Variants in TBL1XR1 observed in about 807,000 individuals in gnomAD.
TBL1XR1 encodes TBL1X/Y related 1, also known as F-box-like/WD repeat-containing protein TBL1XR1.
Under a neutral mutation model 66.9 loss-of-function variants are expected in TBL1XR1, and 5 were observed. The observed-to-expected ratio is 0.07, with a 90% confidence interval of 0.04 to 0.16. The LOEUF is 0.16. TBL1XR1 is among the 10% of genes least tolerant of loss of function. The pLI, the probability that TBL1XR1 is intolerant of heterozygous loss-of-function variation, is 1.00. For synonymous variants in TBL1XR1, 210 were observed against 206.0 expected, an observed-to-expected ratio of 1.02 and a Z score of -0.17; for missense variants, 238 against 623.2, an observed-to-expected ratio of 0.38 and a Z score of 6.58.
At chr3:177,107,921 GTC>G in intron 1 of TBL1XR1, among the ~76,000 whole-genome samples, 1 of 151,716 alleles carries the variant, frequency 6.6e-6, no homozygotes, top group East Asian at 1.9e-4. Context: ...AGGCCATTTG[GTC>G]TCTGTCACTA....
chr3:177,155,928 G>T (rs1731435430), intron 1 of TBL1XR1, among the ~76,000 whole-genome samples: 1 of 151,910 alleles, frequency 6.6e-6, no homozygotes, highest in Admixed American at 6.6e-5. Context: ...GGAATCACTT[G>T]AACCCGAGAG....
At chr3:177,068,465 T>G (rs964133997) in intron 2 of TBL1XR1, among the ~76,000 whole-genome samples, 2 of 152,218 alleles carry the variant, frequency 1.3e-5, no homozygotes, top group Non-Finnish European at 2.9e-5. Context: ...CCATGAAATA[T>G]CATTTTACTG....
chr3:177,145,254 G>C (rs1198046028), intron 1 of TBL1XR1, among the ~76,000 whole-genome samples: 3 of 152,174 alleles, frequency 2.0e-5, no homozygotes, highest in Non-Finnish European at 4.4e-5. Context: ...CTGTGTTTTA[G>C]TAAATAAAGT....
chr3:177,116,762 A>C (rs1445013438), intron 1 of TBL1XR1, among the ~76,000 whole-genome samples: 1 of 152,226 alleles, frequency 6.6e-6, no homozygotes, highest in Non-Finnish European at 1.5e-5. Context: ...CTCAGAGGAA[A>C]GTTATGTTAA....
At chr3:177,095,838 C>CA (rs1371804777) in intron 2 of TBL1XR1, among the ~76,000 whole-genome samples, 1 of 151,482 alleles carries the variant, frequency 6.6e-6, no homozygotes, top group African/African-American at 2.4e-5. Context: ...AGAGTGAAGG[C>CA]AAAAAAGGAT....
intron 9 of TBL1XR1, among the ~76,000 whole-genome samples, chr3:177,046,854 C>G (rs1416806964): frequency 1.3e-5 from 2 of 152,102 alleles, no homozygotes; most frequent in Non-Finnish European, 2.9e-5. Flanking sequence ...GGAAGAAGGT[C>G]CTATTTCCAA....
At chr3:177,081,590 G>C (rs1232285829) in intron 2 of TBL1XR1, among the ~76,000 whole-genome samples, 1 of 151,850 alleles carries the variant, frequency 6.6e-6, no homozygotes, top group Non-Finnish European at 1.5e-5. Flanking sequence ...TCTCTACAAA[G>C]AGTTTTAAAT....
chr3:177,166,732 T>C (rs892812574), intron 1 of TBL1XR1, among the ~76,000 whole-genome samples: 2 of 152,218 alleles, frequency 1.3e-5, no homozygotes, highest in African/African-American at 2.4e-5. Flanking sequence ...CTGTTCTCTA[T>C]AGCAGTGTGA....
At chr3:177,167,355 A>G (rs558971616) in intron 1 of TBL1XR1, among the ~76,000 whole-genome samples, 90 of 152,252 alleles carry the variant, frequency 5.9e-4, no homozygotes, top group Non-Finnish European at 9.8e-4. Flanking sequence ...TAGGTGAAGC[A>G]CAAAAAATGT....
chr3:177,128,590 T>G (rs891542948), intron 1 of TBL1XR1, among the ~76,000 whole-genome samples: 22 of 152,322 alleles, frequency 1.4e-4, no homozygotes, highest in Admixed American at 3.3e-4. Context: ...CCCAGGCTGA[T>G]TGAGAACTCC....
intron 1 of TBL1XR1, among the ~76,000 whole-genome samples, chr3:177,134,979 C>CTGTGTGTCTG (rs1728750421): frequency 2.1e-5 from 1 of 48,208 alleles, no homozygotes; most frequent in Non-Finnish European, 4.3e-5. Flanking sequence ...GTGTGTGTGT[C>CTGTGTGTCTG]TGTGTGTGTG....
At chr3:177,109,982 T>C (rs1725358961) in intron 1 of TBL1XR1, among the ~76,000 whole-genome samples, 1 of 152,178 alleles carries the variant, frequency 6.6e-6, no homozygotes, top group Admixed American at 6.6e-5. Context: ...CCTAGAACAC[T>C]TCCTTATTCA....
At chr3:177,091,110 T>TG (rs1306339409) in intron 2 of TBL1XR1, 5 of 151,928 alleles carry the variant, frequency 3.3e-5, no homozygotes, top group Non-Finnish European at 7.4e-5. Flanking sequence ...ATATATCAAA[T>TG]TGGAGGTGGG....
intron 1 of TBL1XR1, among the ~76,000 whole-genome samples, chr3:177,179,047 G>A (rs1734484868): frequency 1.3e-5 from 2 of 150,538 alleles, no homozygotes; most frequent in African/African-American, 4.9e-5. Flanking sequence ...AAGCCGGGAG[G>A]TGGCAATTGC....
chr3:177,100,792 T>C (rs867424460), intron 1 of TBL1XR1, among the ~76,000 whole-genome samples: 1 of 152,184 alleles, frequency 6.6e-6, no homozygotes, highest in Non-Finnish European at 1.5e-5. Flanking sequence ...ATAAAATGAT[T>C]AGATAATAGC....
chr3:177,185,888 G>A (rs1473636573), intron 1 of TBL1XR1, among the ~76,000 whole-genome samples: 2 of 152,070 alleles, frequency 1.3e-5, no homozygotes, highest in Non-Finnish European at 2.9e-5. Context: ...CTGCTCGTCT[G>A]TAGTCCTACC....
At position 177,050,583 on chromosome 3, in the gene TBL1XR1, T is replaced by A. The variant is rs1716926341; in HGVS notation, c.455A>T (p.Asp152Val). 1 of 1,613,808 alleles carries A rather than the reference T, an allele frequency of 6.2e-7. No homozygotes were observed. Among genetic ancestry groups the A allele is most frequent in the Non-Finnish European group, 8.5e-7 (1 of 1,179,800 alleles). Residue 152 changes from aspartate (D) to valine (V), a missense_variant, in exon 6 of 16, where the codon GAT becomes GTT. Asp to Val is a radical substitution (Grantham distance 152). Transcript: ENST00000457928. Reference sequence around the variant, plus strand: ...ATTAGGAGGGATTTCAACATCCCCATCCACTTCCATCATATCAGTATGATT... The same window carrying A: ...ATTAGGAGGGATTTCAACATCCCCAACCACTTCCATCATATCAGTATGATT... ...ANNHTDMMEV[D>V]GDVEIPPNKA...
rs1257746138 is a variant in TBL1XR1 at position 177,197,294 on chromosome 3, C to CGGGCGG, written c.-301_-296dup. 2 of 145,294 alleles carry CGGGCGG rather than the reference C, an allele frequency of 1.4e-5. No homozygotes were observed. The highest frequency in any genetic ancestry group is 2.5e-5 in the African/African-American group (1 of 39,920). The allele number at this position is 145,294 out of a possible 1,614,324, so 9.0% of individuals were successfully genotyped here. A position where few individuals can be genotyped will look rare whatever the true frequency, so the allele number is the denominator to read the frequency against. On this transcript the variant is annotated 5_prime_UTR_variant, in exon 1 of 16. Coordinates refer to ENST00000457928, the MANE Select transcript of TBL1XR1 (RefSeq NM_024665.7). ...GAGGGCGCGGGGGATGGGCGCCGGG[C>CGGGCGG]GGGCGGGGGCGGGGAGCGCGGCGCG...
At chr3:177,159,048 A>C (rs1229313757) in intron 1 of TBL1XR1, among the ~76,000 whole-genome samples, 1 of 152,196 alleles carries the variant, frequency 6.6e-6, no homozygotes, top group African/African-American at 2.4e-5. Context: ...AAAAGTTTTA[A>C]TTCTCCTAAA....
Sources: gnomAD v4.1 joint callset for allele counts (sites outside exome capture counted in the v4.1 genomes callset) on GRCh38, gnomAD v4.1.1 for gene constraint, MANE v1.5 for transcripts, NCBI Gene and HGNC (gene_info 2026-07-23, HGNC 2026-07-21) for gene names.